Variants in NFIB observed in about 807,000 individuals in gnomAD.
The protein encoded by NFIB is nuclear factor 1 B-type.
In NFIB, 11 loss-of-function variants were observed where a neutral mutation model predicts 61.5. The ratio of observed to expected loss-of-function variants is 0.18; its 90% CI spans 0.11 to 0.30. The LOEUF is 0.30. Ranked by LOEUF, NFIB falls within the 10% of genes least tolerant of loss-of-function variation. The pLI is 1.00. For synonymous variants in NFIB, 260 were observed against 216.5 expected (o/e 1.20, Z -1.76); for missense variants, 471 against 608.9 (o/e 0.77, Z 2.38).
At position 14,313,663 on chromosome 9, in the gene NFIB, C is replaced by G; in HGVS notation, c.-152G>C. Reference sequence around the variant, plus strand: ...TGGATCACCGCAACTTCACAACAAACCCAGTCCTCCTTAAATAGCCAAAGA... The same window carrying G: ...TGGATCACCGCAACTTCACAACAAAGCCAGTCCTCCTTAAATAGCCAAAGA... On this transcript the variant is annotated 5_prime_UTR_variant, in exon 1 of 11. Coordinates refer to ENST00000380953, the MANE Select transcript of NFIB (RefSeq NM_001190737.2). This position sits in a 1 kb window ranked among gnomAD's most constrained non-coding sequence, Gnocchi z 4.5. 1 of 1,492,854 alleles carries G rather than the reference C, an allele frequency of 6.7e-7. No homozygotes were observed. The highest frequency in any genetic ancestry group is 1.4e-5 in the African/African-American group (1 of 71,082). The allele number at this position is 1,492,854 out of a possible 1,614,324, so 92.5% of individuals were successfully genotyped here. A position where few individuals can be genotyped will look rare whatever the true frequency, so the allele number is the denominator to read the frequency against.
At chr9:14,219,380 G>GGAAAAAAA (rs1563914477) in intron 2 of NFIB, among the ~76,000 whole-genome samples, 6 of 9,744 alleles carry the variant, frequency 6.2e-4, no homozygotes, top group Non-Finnish European at 6.3e-4. Context: ...TAGCACTAGG[G>GGAAAAAAA]TAAAAAAAAA....
At chr9:14,249,693 G>A (rs955525121) in intron 2 of NFIB, among the ~76,000 whole-genome samples, 8 of 151,930 alleles carry the variant, frequency 5.3e-5, no homozygotes, top group Admixed American at 4.6e-4. Flanking sequence ...AGGGAGGGGA[G>A]AAGAAGAGAG....
chr9:14,435,063 C>T, the NFIB span, among the ~76,000 whole-genome samples: 1 of 152,208 alleles, frequency 6.6e-6, no homozygotes, highest in Non-Finnish European at 1.5e-5. Context: ...TCTTTTTCTT[C>T]CATCTCTCAC....
intron 1 of NFIB, among the ~76,000 whole-genome samples, chr9:14,382,271 T>C (rs191372681): frequency 1.3e-5 from 2 of 152,166 alleles, no homozygotes; most frequent in Admixed American, 1.3e-4. Flanking sequence ...AATAACTAGC[T>C]CATGTTTGAG....
the NFIB span, among the ~76,000 whole-genome samples, chr9:14,472,233 G>A: frequency 2.6e-5 from 4 of 152,190 alleles, no homozygotes; most frequent in African/African-American, 9.6e-5. Context: ...CAATGCACAT[G>A]TTGCTGTGTG....
the NFIB span, among the ~76,000 whole-genome samples, chr9:14,445,094 T>C: frequency 2.3e-4 from 35 of 152,192 alleles, no homozygotes; most frequent in Non-Finnish European, 3.5e-4. Flanking sequence ...GTATTTTCAG[T>C]GCCGTATGGT....
chr9:14,146,619 A>T (rs2042301888), intron 6 of NFIB, 70 bp downstream of exon 6: 1 of 1,603,802 alleles, frequency 6.2e-7, no homozygotes, highest in Non-Finnish European at 8.5e-7. Flanking sequence ...TGAAATTTTG[A>T]CTCAACGAAA....
the NFIB span, among the ~76,000 whole-genome samples, chr9:14,429,009 C>T: frequency 6.6e-6 from 1 of 152,178 alleles, no homozygotes; most frequent in Admixed American, 6.5e-5. Context: ...ACCTCCCTGC[C>T]TGGCTCTTTG....
At chr9:14,234,463 G>C (rs577929936) in intron 2 of NFIB, among the ~76,000 whole-genome samples, 1 of 151,152 alleles carries the variant, frequency 6.6e-6, no homozygotes, top group Non-Finnish European at 1.5e-5. Context: ...TCCACCTTCC[G>C]CGTTCAAGCA....
At chr9:14,209,301 T>C (rs2050070885) in intron 2 of NFIB, among the ~76,000 whole-genome samples, 1 of 152,210 alleles carries the variant, frequency 6.6e-6, no homozygotes, top group Admixed American at 6.5e-5. Context: ...CTTTAGGATT[T>C]GGAAGGAAAA....
intron 1 of NFIB, among the ~76,000 whole-genome samples, chr9:14,360,580 TG>T (rs1161278295): frequency 1.3e-5 from 2 of 151,334 alleles, no homozygotes; most frequent in Admixed American, 6.6e-5. Flanking sequence ...AGTCTCACTC[TG>T]TCGCCCAGGC....
At chr9:14,385,814 T>G (rs999227308) in intron 1 of NFIB, among the ~76,000 whole-genome samples, 6 of 151,966 alleles carry the variant, frequency 3.9e-5, no homozygotes, top group African/African-American at 1.4e-4. Flanking sequence ...ACAGAGTGTT[T>G]CTCTGTTTCC....
intron 2 of NFIB, among the ~76,000 whole-genome samples, chr9:14,202,128 T>TCACACACACACACACACACACA (rs3080833): frequency 1.4e-5 from 2 of 147,078 alleles, no homozygotes; most frequent in Non-Finnish European, 3.0e-5. Context: ...TTGATACTTT[T>TCACACACACACACACACACACA]CACACACACA....
chr9:14,381,932 G>T (rs1220886086), intron 1 of NFIB, among the ~76,000 whole-genome samples: 1 of 152,132 alleles, frequency 6.6e-6, no homozygotes, highest in African/African-American at 2.4e-5. Context: ...CTAAGAGAGT[G>T]GTACCAAGAT....
chr9:14,234,787 G>A (rs987372330), intron 2 of NFIB, among the ~76,000 whole-genome samples: 20 of 138,626 alleles, frequency 1.4e-4, no homozygotes, highest in African/African-American at 3.6e-4. Context: ...GCATTTGTTC[G>A]TTGAAATTTT....
At chr9:14,396,984 G>C (rs566199611) in intron 1 of NFIB, among the ~76,000 whole-genome samples, 58 of 152,234 alleles carry the variant, frequency 3.8e-4, no homozygotes, top group African/African-American at 1.4e-3. Context: ...AATATAATTT[G>C]GATTCTAAAA....
At chr9:14,385,965 T>C (rs2061545067) in intron 1 of NFIB, among the ~76,000 whole-genome samples, 1 of 152,008 alleles carries the variant, frequency 6.6e-6, no homozygotes, top group African/African-American at 2.4e-5. Context: ...GTATGTTCAG[T>C]AGAGACAGGG....
At chr9:14,102,331 T>C (rs1392676102) in intron 10 of NFIB, 1 of 1,104,640 alleles carries the variant, frequency 9.1e-7, no homozygotes, top group Non-Finnish European at 1.3e-6. Flanking sequence ...ATTTTTAACA[T>C]ATATTTTCTG....
At chr9:14,193,401 C>T (rs1008111840) in intron 2 of NFIB, among the ~76,000 whole-genome samples, 2 of 152,088 alleles carry the variant, frequency 1.3e-5, no homozygotes, top group African/African-American at 4.8e-5. Context: ...CTTCGAAATG[C>T]TTATCAATTG....
Sources: allele counts gnomAD v4.1 joint callset (sites outside exome capture counted in the v4.1 genomes callset), GRCh38; gene constraint gnomAD v4.1.1; non-coding constraint Gnocchi (gnomAD v3.1); transcripts MANE v1.5; gene names NCBI Gene and HGNC (gene_info 2026-07-23, HGNC 2026-07-21).